The following TTC34 variants were observed in gnomAD, a reference collection of about 807,000 sequenced individuals.
The protein encoded by TTC34 is tetratricopeptide repeat protein 34.
TTC34 carries 44 observed loss-of-function variants against 40.7 expected under a neutral mutation model. The ratio of observed to expected loss-of-function variants is 1.08; its 90% CI spans 0.85 to 1.39. The LOEUF (loss-of-function observed/expected upper bound fraction) is 1.39. TTC34 is among the 40% of genes most tolerant of loss of function. The pLI is 0.00. For missense variants in TTC34, 884 were observed against 838.0 expected (o/e 1.05, Z -0.68); for synonymous variants, 422 against 398.6 (o/e 1.06, Z -0.70).
At chr1:2,646,715 G>T (rs1489317317) in intron 6 of TTC34, among the ~76,000 whole-genome samples, 1 of 152,202 alleles carries the variant, frequency 6.6e-6, no homozygotes, top group Non-Finnish European at 1.5e-5. Context: ...TTTGTTCAAA[G>T]AAATTAAAAG....
intron 5 of TTC34, among the ~76,000 whole-genome samples, chr1:2,784,190 A>G (rs1178186862): frequency 6.6e-6 from 1 of 152,212 alleles, no homozygotes; most frequent in Non-Finnish European, 1.5e-5. Context: ...AGGTGAAGCA[A>G]GTCACGTGAT....
intron 6 of TTC34, among the ~76,000 whole-genome samples, chr1:2,652,313 G>A (rs112215126): frequency 0.01 from 10 of 986 alleles, no homozygotes; most frequent in Admixed American, 0.027. Context: ...ACAGCCTGGA[G>A]CAGCACCCAC....
chr1:2,688,032 T>A (rs1324434743), intron 6 of TTC34, among the ~76,000 whole-genome samples: 3 of 13,060 alleles, frequency 2.3e-4, no homozygotes, highest in Admixed American at 7.3e-4. Flanking sequence ...TGACTGCATG[T>A]AACAGCACCC....
chr1:2,643,171 C>A (rs981496900), intron 8 of TTC34, among the ~76,000 whole-genome samples: 1 of 152,220 alleles, frequency 6.6e-6, no homozygotes, highest in Non-Finnish European at 1.5e-5. Context: ...ACCCCAGACT[C>A]CCCTGAGCCC....
chr1:2,751,378 C>T (rs1641313578), intron 6 of TTC34, among the ~76,000 whole-genome samples: 1 of 148,858 alleles, frequency 6.7e-6, no homozygotes, highest in Non-Finnish European at 1.5e-5. Flanking sequence ...CCCAGGTGCG[C>T]ATCTGATGGT....
chr1:2,685,298 AG>A, intron 6 of TTC34, among the ~76,000 whole-genome samples: 1 of 104,410 alleles, frequency 9.6e-6, no homozygotes, highest in African/African-American at 4.3e-5. Context: ...AGCATCCCAC[AG>A]CCTGGAGCAG....
At chr1:2,750,263 AG>A in intron 6 of TTC34, among the ~76,000 whole-genome samples, 1 of 120,444 alleles carries the variant, frequency 8.3e-6, no homozygotes, top group South Asian at 3.0e-4. Context: ...GGCATCTGAC[AG>A]CCTGGAAAAG....
At chr1:2,759,242 G>T (rs1449494135) in intron 6 of TTC34, among the ~76,000 whole-genome samples, 1 of 14,372 alleles carries the variant, frequency 7.0e-5, no homozygotes, top group Non-Finnish European at 1.5e-4. Flanking sequence ...CTGCACCCCC[G>T]GTGCGCACGT....
intron 6 of TTC34, among the ~76,000 whole-genome samples, chr1:2,686,021 C>T (rs1303484060): frequency 1.6e-5 from 2 of 123,908 alleles, no homozygotes; most frequent in Admixed American, 8.1e-5. Flanking sequence ...CATCTGACAG[C>T]CTGGAACAGC....
At chr1:2,778,084 C>G (rs1363126835) in intron 6 of TTC34, among the ~76,000 whole-genome samples, 1 of 152,204 alleles carries the variant, frequency 6.6e-6, no homozygotes, top group South Asian at 2.1e-4. Context: ...AGAAGTCAGG[C>G]CTGCCAGTGG....
intron 6 of TTC34, among the ~76,000 whole-genome samples, chr1:2,752,697 A>G: frequency 7.0e-6 from 1 of 143,220 alleles, no homozygotes; most frequent in African/African-American, 2.7e-5. Context: ...CCATACGCCC[A>G]GATGAGCATC....
chr1:2,685,800 C>G (rs561894066), intron 6 of TTC34, among the ~76,000 whole-genome samples: 5 of 90,950 alleles, frequency 5.5e-5, no homozygotes, highest in Admixed American at 3.4e-4. Context: ...AACCCACACC[C>G]CCAGGTGAGC....
intron 6 of TTC34, among the ~76,000 whole-genome samples, chr1:2,759,649 G>C (rs1240863236): frequency 7.2e-5 from 11 of 151,826 alleles, no homozygotes; most frequent in African/African-American, 2.7e-4. Context: ...CCCCAGGTGA[G>C]CATTCGACAG....
At chr1:2,675,649 GGT>G (rs1639885964) in intron 6 of TTC34, among the ~76,000 whole-genome samples, 1 of 140,756 alleles carries the variant, frequency 7.1e-6, no homozygotes, top group Admixed American at 7.2e-5. Flanking sequence ...CACACCCCCA[GGT>G]GAGCATCCGA....
At chr1:2,673,341 G>T (rs1286236292) in intron 6 of TTC34, among the ~76,000 whole-genome samples, 6 of 77,494 alleles carry the variant, frequency 7.7e-5, no homozygotes, top group African/African-American at 1.2e-4. Context: ...CGGCAGCCTG[G>T]AGCGGAACCC....
rs1020282838 is a variant in TTC34 at position 2,785,834 on chromosome 1, C to A, written c.2044G>T (p.Ala682Ser). 57 of 1,543,880 alleles carry A rather than the reference C, an allele frequency of 3.7e-5. No individual in the cohort carries two copies. The Admixed American group carries it at 7.5e-4, about 20-fold the overall frequency. The change falls in exon 5 of 9, where the codon GCC becomes TCC. Residue 682 changes from alanine to serine, a missense_variant. Ala to Ser is a moderately conservative substitution (Grantham distance 99). Transcript: ENST00000401095. Reference sequence around the variant, plus strand: ...CAGCTCCTACCTGCGGCAAAGATGGCCAGAGACAGGTAGGCGATGGCCTCC... The same window carrying A: ...CAGCTCCTACCTGCGGCAAAGATGGACAGAGACAGGTAGGCGATGGCCTCC...
intron 6 of TTC34, among the ~76,000 whole-genome samples, chr1:2,683,317 G>C (rs555658215): frequency 4.2e-4 from 63 of 151,120 alleles, no homozygotes; most frequent in African/African-American, 1.5e-3. Context: ...ACACCCCCAG[G>C]TGAGCATCTG....
At chr1:2,675,437 C>CTGT (rs1557600010) in intron 6 of TTC34, among the ~76,000 whole-genome samples, 1 of 117,948 alleles carries the variant, frequency 8.5e-6, no homozygotes, top group Non-Finnish European at 1.9e-5. Context: ...GAACAGCACC[C>CTGT]ACACCCACAG....
At chr1:2,700,123 GCATCCT>G (rs1641062693) in intron 6 of TTC34, among the ~76,000 whole-genome samples, 2 of 118,944 alleles carry the variant, frequency 1.7e-5, no homozygotes, top group African/African-American at 2.7e-5. Flanking sequence ...GCCTGGAGCA[GCATCCT>G]CACCCCAGGT....
Sources: allele counts gnomAD v4.1 joint callset (sites outside exome capture counted in the v4.1 genomes callset), GRCh38; gene constraint gnomAD v4.1.1; transcripts MANE v1.5; gene names NCBI Gene and HGNC (gene_info 2026-07-23, HGNC 2026-07-21).